Variants in SPEG observed in about 807,000 individuals in gnomAD.
SPEG encodes the protein striated muscle enriched protein kinase.
In SPEG, 114 loss-of-function variants were observed where a neutral mutation model predicts 300.4. The ratio of observed to expected loss-of-function variants is 0.38; its 90% CI spans 0.33 to 0.44. The LOEUF is 0.44. Among genes scored for constraint, SPEG ranks in the 20% least tolerant of loss-of-function variants. The pLI, the probability that SPEG is intolerant of heterozygous loss-of-function variation, is 1.00. For synonymous variants in SPEG, 1,964 were observed against 2,018.9 expected, an observed-to-expected ratio of 0.97 and a Z score of 0.73; for missense variants, 4,201 against 4,586.2, an observed-to-expected ratio of 0.92 and a Z score of 2.43.
chr2:219,460,252 TC>T (rs1254887290), intron 6 of SPEG: 1 of 961,674 alleles, frequency 1.0e-6, no homozygotes, highest in African/African-American at 1.8e-5. Flanking sequence ...CTCAGATTCT[TC>T]CCCCACCTCT....
chr2:219,448,874 G>A lies in SPEG; in HGVS notation c.1716G>A (p.Arg572=). 1 of 1,407,616 alleles carries A rather than the reference G, an allele frequency of 7.1e-7. No individual in the cohort carries two copies. The highest frequency in any genetic ancestry group is 9.2e-7 in the Non-Finnish European group (1 of 1,089,432). 87.2% of individuals were successfully genotyped at this position (1,407,616 alleles called of 1,614,324 possible). A position where few individuals can be genotyped will look rare whatever the true frequency, so the allele number is the denominator to read the frequency against. The change falls in exon 4 of 41, where the codon AGG becomes AGA. Residue 572 remains arginine (R), a synonymous_variant. Coordinates refer to ENST00000312358, the MANE Select transcript of SPEG (RefSeq NM_005876.5). The stretch of plus-strand genomic sequence containing the variant: ...CGGGGGACGAGCCTGGGAGGCCCAG[G>A]AGCCGCGGGCCGGCGGGCAGGACAG... The part of the protein sequence containing the change: ...EKPGDEPGRP[R]SRGPAGRTEP...
intron 1 of SPEG, among the ~76,000 whole-genome samples, chr2:219,441,126 T>C (rs1442394370): frequency 6.6e-6 from 1 of 152,154 alleles, no homozygotes. Flanking sequence ...TAAACAAACA[T>C]AGCTATAATG....
chr2:219,455,831 C>T (rs1012594475), intron 6 of SPEG, among the ~76,000 whole-genome samples: 1 of 152,188 alleles, frequency 6.6e-6, no homozygotes, highest in Non-Finnish European at 1.5e-5. Flanking sequence ...ACCCAGCTTC[C>T]CCACCGTGCG....
At position 219,488,683 on chromosome 2, in the gene SPEG, C is replaced by G. The variant is rs760188851; in HGVS notation, c.8026+18C>G. On this transcript the variant is annotated intron_variant, in intron 33 of 40. Transcript: ENST00000312358. ...TGTGGCCCGTGAGCCTGGGGCAGGG[C>G]CCCAGGGGGGTAGTGATGGGGATGG... is the stretch of plus-strand genomic sequence containing the variant. 1 of 1,602,650 alleles carries G rather than the reference C, an allele frequency of 6.2e-7. No homozygotes were observed. The highest frequency in any genetic ancestry group is 8.5e-7 in the Non-Finnish European group (1 of 1,173,408).
At position 219,483,341 on chromosome 2, in the gene SPEG, C is replaced by T. The variant is rs1481490205; in HGVS notation, c.5878C>T (p.Leu1960=). The T allele has an allele frequency of 1.2e-6, 2 of 1,605,394 alleles. No homozygotes were observed. The highest frequency in any genetic ancestry group is 2.2e-5 in the South Asian group (2 of 89,980). Residue 1960 remains leucine, a synonymous_variant, in exon 30 of 41, where the codon CTG becomes TTG. Coordinates refer to ENST00000312358, the MANE Select transcript of SPEG (RefSeq NM_005876.5). ...AGACATTCCCACTGAGGATGAGGCC[C>T]TGGGGACCCCAGAGACTGGGGCTGC... ...LTDIPTEDEA[L]GTPETGAATP... is the part of the protein sequence containing the mutation.
chr2:219,492,788 G>T lies in SPEG; in HGVS notation c.*2G>T. The T allele has an allele frequency of 6.3e-7, 1 of 1,582,934 alleles. No individual in the cohort carries two copies. ...CGCTCCTACCCTGGCGGCCCCTAGA[G>T]GCACGGACCACAGCCAGGCCTCGGG... On this transcript the variant is annotated 3_prime_UTR_variant, in exon 41 of 41. Coordinates refer to ENST00000312358, the MANE Select transcript of SPEG (RefSeq NM_005876.5).
Position 219,479,649 on chromosome 2 carries a change from C to G in SPEG, c.5086-134C>G. ...TGGTAGCCTTGGATCTTTGCAACCCCAAACCTGTTTCAGCCCCTTCCACGA... is the reference window on the plus strand; with the variant it reads ...TGGTAGCCTTGGATCTTTGCAACCCGAAACCTGTTTCAGCCCCTTCCACGA... On this transcript the variant is annotated intron_variant, in intron 23 of 40. Coordinates refer to ENST00000312358, the MANE Select transcript of SPEG (RefSeq NM_005876.5). The surrounding 1 kb of genome is among the most constrained non-coding windows in gnomAD (Gnocchi z 5.5). The G allele has an allele frequency of 1.3e-6, 1 of 779,654 alleles. No homozygotes were observed. Among genetic ancestry groups the G allele is most frequent in the Non-Finnish European group, 2.2e-6 (1 of 453,734 alleles). The allele number at this position is 779,654 out of a possible 1,614,324, so 48.3% of individuals were successfully genotyped here. A position where few individuals can be genotyped will look rare whatever the true frequency, so the allele number is the denominator to read the frequency against.
intron 6 of SPEG, chr2:219,460,213 G>A (rs1249311255): frequency 1.4e-6 from 1 of 736,922 alleles, no homozygotes; most frequent in Non-Finnish European, 1.7e-6. Context: ...TGGCAGGGAT[G>A]AGGGGGCAGA....
chr2:219,484,006 C>G lies in SPEG; in HGVS notation c.6543C>G (p.Pro2181=), dbSNP rs770414622. 2.5e-6 allele frequency: 4 copies of G among 1,612,908 alleles called. No individual in the cohort carries two copies. Among genetic ancestry groups the G allele is most frequent in the Non-Finnish European group, 3.4e-6 (4 of 1,179,846 alleles). The change falls in exon 30 of 41, where the codon CCC becomes CCG. Residue 2181 remains proline (P), a synonymous_variant. Coordinates refer to ENST00000312358, the MANE Select transcript of SPEG (RefSeq NM_005876.5). The part of the protein sequence containing the change: ...SEAQPSSPAR[P]SAPKPSTPKS... ...CCCAGCCATCCAGCCCTGCACGGCCCAGCGCCCCCAAACCCAGTACCCCTA... is the reference window on the plus strand; with the variant it reads ...CCCAGCCATCCAGCCCTGCACGGCCGAGCGCCCCCAAACCCAGTACCCCTA...
chr2:219,451,105 C>A lies in SPEG; in HGVS notation c.2114-31C>A. ...GCTGTCATCCCTGCAGGGATCATGG[C>A]CCCTTACCCCGTTATTCCTGTGTCC... On this transcript the variant is annotated intron_variant, in intron 4 of 40. Transcript: ENST00000312358. The surrounding 1 kb of genome is among the most constrained non-coding windows in gnomAD (Gnocchi z 6.4). 2 of 1,580,874 alleles carry A rather than the reference C, an allele frequency of 1.3e-6. No homozygotes were observed. The highest frequency in any genetic ancestry group is 1.2e-5 in the South Asian group (1 of 84,910).
intron 32 of SPEG, 87 bp from the exon 33 acceptor site, chr2:219,488,411 G>C (rs770877708): frequency 1.6e-5 from 24 of 1,502,822 alleles, no homozygotes; most frequent in Non-Finnish European, 2.2e-5. Flanking sequence ...GCACGGTTAG[G>C]GGGGATGCTG....
intron 31 of SPEG, among the ~76,000 whole-genome samples, chr2:219,487,165 T>C (rs1693512532): frequency 6.6e-6 from 1 of 152,018 alleles, no homozygotes; most frequent in Non-Finnish European, 1.5e-5. Context: ...AAAGGGACAT[T>C]CCCAGGGATC....
chr2:219,483,845 A>G lies in SPEG; in HGVS notation c.6382A>G (p.Ser2128Gly). 6.3e-7 allele frequency: 1 copy of G among 1,590,174 alleles called. No homozygotes were observed. Among genetic ancestry groups the G allele is most frequent in the Non-Finnish European group, 8.5e-7 (1 of 1,174,068 alleles). Reference sequence around the variant, plus strand: ...ACTCGAGAACCGGGGCCTGCAAAAGAGCAGCAGCTTCTCCCAGGGTGAGGC... The same window carrying G: ...ACTCGAGAACCGGGGCCTGCAAAAGGGCAGCAGCTTCTCCCAGGGTGAGGC... ...PPLENRGLQKSSSFSQGEAEP... is the reference protein window; with the variant it reads ...PPLENRGLQKGSSFSQGEAEP... The change falls in exon 30 of 41, where the codon AGC becomes GGC. Residue 2128 changes from serine to glycine, a missense_variant. Transcript: ENST00000312358.
chr2:219,461,785 G>A, intron 6 of SPEG, 97 bp from the exon 7 acceptor site: 2 of 1,304,324 alleles, frequency 1.5e-6, no homozygotes, highest in Admixed American at 1.9e-5. Context: ...CCTGCGGGGA[G>A]CTGCCGCAAC....
chr2:219,462,723 C>T (rs563185192), intron 8 of SPEG, among the ~76,000 whole-genome samples: 4 of 152,290 alleles, frequency 2.6e-5, no homozygotes, highest in African/African-American at 9.6e-5. Flanking sequence ...TGAGACCAGC[C>T]TGGCCAGCAT....
intron 9 of SPEG, chr2:219,465,868 CGT>C (rs1491448848): frequency 2.6e-5 from 16 of 611,720 alleles, no homozygotes; most frequent in African/African-American, 5.7e-5. Context: ...CATGTGTGTG[CGT>C]GTGTGCGTGC....
chr2:219,444,116 C>A lies in SPEG; in HGVS notation c.389-537C>A. 7 of 1,250,006 alleles carry A rather than the reference C, an allele frequency of 5.6e-6. No homozygotes were observed. Among genetic ancestry groups the A allele is most frequent in the Non-Finnish European group, 6.4e-6 (6 of 930,662 alleles). The allele number at this position is 1,250,006 out of a possible 1,614,324, so 77.4% of individuals were successfully genotyped here. Reference sequence around the variant, plus strand: ...CATCCCCCCCTTTCCCACCCGGCCCCGGCCTCTCCTCACCCTGCCTCAGCT... The same window carrying A: ...CATCCCCCCCTTTCCCACCCGGCCCAGGCCTCTCCTCACCCTGCCTCAGCT... On this transcript the variant is annotated intron_variant, in intron 1 of 40. Transcript: ENST00000312358. The surrounding 1 kb of genome is among the most constrained non-coding windows in gnomAD (Gnocchi z 7.8).
Position 219,493,119 on chromosome 2 carries a change from G to A in SPEG, c.*333G>A. 1 of 552,568 alleles carries A rather than the reference G, an allele frequency of 1.8e-6. No individual in the cohort carries two copies. Among genetic ancestry groups the A allele is most frequent in the Non-Finnish European group, 3.4e-6 (1 of 293,628 alleles). 34.2% of individuals were successfully genotyped at this position (552,568 alleles called of 1,614,324 possible). A position where few individuals can be genotyped will look rare whatever the true frequency, so the allele number is the denominator to read the frequency against. On this transcript the variant is annotated 3_prime_UTR_variant, in exon 41 of 41. Coordinates refer to ENST00000312358, the MANE Select transcript of SPEG (RefSeq NM_005876.5). Reference sequence around the variant, plus strand: ...GGCTCTAGGAAGGTTCTGGGTTGGGGGTCAGTGCATCTCAGGGAGAACCAA... The same window carrying A: ...GGCTCTAGGAAGGTTCTGGGTTGGGAGTCAGTGCATCTCAGGGAGAACCAA...
chr2:219,475,513 C>T (rs1343371861), intron 18 of SPEG, among the ~76,000 whole-genome samples: 6 of 152,158 alleles, frequency 3.9e-5, no homozygotes, highest in Admixed American at 1.3e-4. Context: ...AGACAGGGAA[C>T]GCTTCTGGCC....
Sources: gnomAD v4.1 joint callset for allele counts (sites outside exome capture counted in the v4.1 genomes callset) on GRCh38, gnomAD v4.1.1 for gene constraint, Gnocchi (gnomAD v3.1) non-coding constraint, MANE v1.5 for transcripts, NCBI Gene and HGNC (gene_info 2026-07-23, HGNC 2026-07-21) for gene names.